The following ANKFN1 variants were observed in gnomAD, a reference collection of about 807,000 sequenced individuals.
ANKFN1 encodes the protein ankyrin repeat and fibronectin type III domain containing 1, also known as ankyrin repeat and fibronectin type-III domain-containing protein 1.
Under a neutral mutation model 108.7 loss-of-function variants are expected in ANKFN1, and 74 were observed. The observed-to-expected ratio is 0.68, with a 90% confidence interval of 0.56 to 0.83. The LOEUF is 0.83. Ranked by LOEUF, ANKFN1 falls within the 40% of genes least tolerant of loss-of-function variation. ANKFN1 has a pLI of 0.00. For missense variants in ANKFN1, 1,505 were observed against 1,382.3 expected (o/e 1.09, Z -1.41); for synonymous variants, 547 against 516.2 (o/e 1.06, Z -0.81).
chr17:56,393,072 T>G (rs2144886263), intron 8 of ANKFN1, among the ~76,000 whole-genome samples: 1 of 152,268 alleles, frequency 6.6e-6, no homozygotes, highest in Admixed American at 6.5e-5. Context: ...TTCCTTTCAT[T>G]GGCCTTCATA....
chr17:56,493,941 G>A (rs1017583034), intron 19 of ANKFN1, among the ~76,000 whole-genome samples: 5 of 152,094 alleles, frequency 3.3e-5, no homozygotes, highest in Non-Finnish European at 5.9e-5. Context: ...CTGTAAAATA[G>A]GGATGATAAT....
At chr17:56,388,124 C>T (rs1195800533) in intron 8 of ANKFN1, among the ~76,000 whole-genome samples, 2 of 151,742 alleles carry the variant, frequency 1.3e-5, no homozygotes, top group Non-Finnish European at 2.9e-5. Context: ...CTATTTCTTT[C>T]TTTTTTTCTT....
chr17:56,227,129 A>C (rs1045242500), intron 2 of ANKFN1, among the ~76,000 whole-genome samples: 21 of 152,128 alleles, frequency 1.4e-4, no homozygotes, highest in Non-Finnish European at 8.8e-5. Flanking sequence ...CAGAATGCAA[A>C]TAGTTCATAT....
At chr17:56,142,414 A>G (rs936624996) in intron 4 of ANKFN1, among the ~76,000 whole-genome samples, 1 of 152,222 alleles carries the variant, frequency 6.6e-6, no homozygotes, top group Non-Finnish European at 1.5e-5. Context: ...AGAGTAAATC[A>G]TTCCTCTGGC....
At chr17:56,164,789 G>A (rs16956823) in intron 1 of ANKFN1, among the ~76,000 whole-genome samples, 21,750 of 152,124 alleles carry the variant, frequency 0.14, 1,738 homozygotes, top group East Asian at 0.3. Context: ...ATAGAAATCT[G>A]TTCTGTCAGT....
chr17:56,457,804 C>A, intron 13 of ANKFN1, 59 bp from the exon 14 acceptor site: 1 of 1,335,068 alleles, frequency 7.5e-7, no homozygotes, highest in Non-Finnish European at 1.1e-6. Flanking sequence ...GCTTTGATGC[C>A]ACAACCTAAA....
chr17:56,337,859 G>A (rs1156579421), intron 4 of ANKFN1, among the ~76,000 whole-genome samples: 2 of 152,182 alleles, frequency 1.3e-5, no homozygotes, highest in African/African-American at 4.8e-5. Context: ...ATTGGTGGGA[G>A]TGTAAACTAG....
At chr17:56,384,400 T>C (rs553374238) in intron 8 of ANKFN1, among the ~76,000 whole-genome samples, 191 of 152,258 alleles carry the variant, frequency 1.3e-3, no homozygotes, top group African/African-American at 4.5e-3. Context: ...CTGGAAGCAT[T>C]CCCTTTGAAA....
chr17:56,186,511 G>A (rs991499348), intron 1 of ANKFN1, among the ~76,000 whole-genome samples: 1 of 152,208 alleles, frequency 6.6e-6, no homozygotes, highest in Non-Finnish European at 1.5e-5. Context: ...TGGTGCCAGA[G>A]CATTCCACGT....
intron 20 of ANKFN1, among the ~76,000 whole-genome samples, chr17:56,502,688 C>A (rs1192490209): frequency 6.6e-6 from 1 of 152,198 alleles, no homozygotes; most frequent in East Asian, 1.9e-4. Context: ...GGGGGAAATG[C>A]AATTTAGAAG....
rs190986918 is a variant in ANKFN1 at position 56,105,951 on chromosome 17, A to G, written c.288+59626A>G. Among the ~76,000 whole-genome samples the G allele has an allele frequency of 8.3e-4, 127 of 152,200 alleles. 1 individual carries two copies. The highest frequency in any genetic ancestry group is 1.9e-3 in the Admixed American group (29 of 15,282). Reference sequence around the variant, plus strand: ...TGCTGCTAAGTATCCTGTTACTTTCATGACAGCCCCTACAGCAAAGAATGG... The same window carrying G: ...TGCTGCTAAGTATCCTGTTACTTTCGTGACAGCCCCTACAGCAAAGAATGG... On this transcript the variant is annotated intron_variant, in intron 4 of 12. Transcript: ENST00000635860.
intron 8 of ANKFN1, among the ~76,000 whole-genome samples, chr17:56,429,461 A>G (rs971774048): frequency 1.3e-5 from 2 of 152,256 alleles, no homozygotes; most frequent in African/African-American, 2.4e-5. Flanking sequence ...GAGACAATAC[A>G]TAAGCCAATG....
intron 3 of ANKFN1, among the ~76,000 whole-genome samples, chr17:56,248,262 C>T (rs2144040320): frequency 6.6e-6 from 1 of 152,260 alleles, no homozygotes; most frequent in South Asian, 2.1e-4. Context: ...CCTCATGATA[C>T]AGAGTATGAG....
chr17:56,274,623 C>A (rs2043876074), intron 3 of ANKFN1, among the ~76,000 whole-genome samples: 1 of 152,142 alleles, frequency 6.6e-6, no homozygotes, highest in South Asian at 2.1e-4. Flanking sequence ...CACGGGCTCC[C>A]ATCTGTCTCA....
At chr17:56,405,068 G>A (rs963589544) in intron 8 of ANKFN1, among the ~76,000 whole-genome samples, 6 of 152,194 alleles carry the variant, frequency 3.9e-5, no homozygotes, top group Admixed American at 2.6e-4. Context: ...AGGTGGTGGT[G>A]GGGGGTAGTG....
intron 20 of ANKFN1, among the ~76,000 whole-genome samples, chr17:56,504,160 A>T (rs1354698592): frequency 6.6e-6 from 1 of 152,156 alleles, no homozygotes; most frequent in African/African-American, 2.4e-5. Context: ...TAATACAATC[A>T]CCATGCAAGT....
chr17:56,394,627 G>A (rs186617303), intron 8 of ANKFN1, among the ~76,000 whole-genome samples: 3 of 152,222 alleles, frequency 2.0e-5, no homozygotes, highest in East Asian at 3.9e-4. Context: ...TCCCCTGGGA[G>A]CCTGGCAGTT....
chr17:56,122,402 T>C (rs1374440356), intron 4 of ANKFN1, among the ~76,000 whole-genome samples: 6 of 152,214 alleles, frequency 3.9e-5, no homozygotes, highest in African/African-American at 1.4e-4. Flanking sequence ...TTCCATATCA[T>C]GGATTTGCTT....
chr17:56,283,317 C>T (rs1397719629), intron 3 of ANKFN1, among the ~76,000 whole-genome samples: 2 of 152,020 alleles, frequency 1.3e-5, no homozygotes, highest in African/African-American at 4.8e-5. Flanking sequence ...CTGTGGAAAA[C>T]AGTGTAGAGA....
Sources: allele counts gnomAD v4.1 joint callset (sites outside exome capture counted in the v4.1 genomes callset), GRCh38; gene constraint gnomAD v4.1.1; transcripts MANE v1.5; gene names NCBI Gene and HGNC (gene_info 2026-07-23, HGNC 2026-07-21).